Variants in DCC observed in about 807,000 individuals in gnomAD.
DCC encodes netrin receptor DCC.
A neutral mutation model predicts 172.5 loss-of-function variants in DCC; 58 were observed. The observed-to-expected ratio is 0.34, with a 90% CI of 0.27 to 0.42. The LOEUF is 0.42. Among genes scored for constraint, DCC ranks in the 10% least tolerant of loss-of-function variants. The pLI is 1.00. For synonymous variants in DCC, 709 were observed against 644.5 expected, an observed-to-expected ratio of 1.10 and a Z score of -1.52; for missense variants, 1,740 against 1,791.0, an observed-to-expected ratio of 0.97 and a Z score of 0.51.
intron 21 of DCC, 127 bp downstream of exon 21, chr18:53,416,283 C>A: frequency 1.3e-6 from 1 of 750,888 alleles, no homozygotes; most frequent in Non-Finnish European, 2.4e-6. Flanking sequence ...ACTGGCGTGA[C>A]GATTAATCTT....
intron 2 of DCC, among the ~76,000 whole-genome samples, chr18:52,845,748 A>C (rs1461806996): frequency 6.6e-6 from 1 of 152,348 alleles, no homozygotes; most frequent in South Asian, 2.1e-4. Context: ...TATTTGAGTA[A>C]AGATCAAGTC....
intron 1 of DCC, among the ~76,000 whole-genome samples, chr18:52,648,627 C>A (rs981419507): frequency 6.6e-6 from 1 of 152,180 alleles, no homozygotes; most frequent in African/African-American, 2.4e-5. Flanking sequence ...TCATCACAAG[C>A]GTCTTTTCAC....
intron 1 of DCC, among the ~76,000 whole-genome samples, chr18:52,605,021 G>A (rs1447976926): frequency 2.0e-5 from 1 of 49,450 alleles, no homozygotes; most frequent in African/African-American, 5.6e-5. Flanking sequence ...TGAAGTTCTG[G>A]AATCTAAAAA....
At chr18:52,749,301 A>G (rs1264051370) in intron 1 of DCC, among the ~76,000 whole-genome samples, 1 of 152,230 alleles carries the variant, frequency 6.6e-6, no homozygotes, top group Admixed American at 6.5e-5. Flanking sequence ...CAGAACCAGC[A>G]GCCCAGTTTT....
chr18:52,968,240 G>T (rs1193519458), intron 5 of DCC, among the ~76,000 whole-genome samples: 1 of 152,180 alleles, frequency 6.6e-6, no homozygotes, highest in Non-Finnish European at 1.5e-5. Flanking sequence ...GGGTAACAGA[G>T]GGAAAGAGTT....
At chr18:52,459,080 G>T (rs1450152155) in intron 1 of DCC, among the ~76,000 whole-genome samples, 1 of 151,824 alleles carries the variant, frequency 6.6e-6, no homozygotes, top group Admixed American at 6.6e-5. Flanking sequence ...GGGTACAAAA[G>T]GTTCATAACA....
chr18:52,363,939 G>T (rs1984731786), intron 1 of DCC, among the ~76,000 whole-genome samples: 1 of 151,958 alleles, frequency 6.6e-6, no homozygotes, highest in Non-Finnish European at 1.5e-5. Context: ...TTGCCCTTTA[G>T]CCCTTCAGTC....
intron 5 of DCC, among the ~76,000 whole-genome samples, chr18:53,058,407 A>T (rs938541594): frequency 6.6e-6 from 1 of 152,188 alleles, no homozygotes; most frequent in Non-Finnish European, 1.5e-5. Flanking sequence ...CAGAAGTGGT[A>T]TAATGAAAGT....
intron 27 of DCC, among the ~76,000 whole-genome samples, chr18:53,523,135 C>A (rs1403720765): frequency 1.3e-5 from 2 of 152,128 alleles, no homozygotes; most frequent in East Asian, 3.9e-4. Flanking sequence ...CAAGAGAAGA[C>A]ATTTATGCAG....
chr18:53,220,809 A>G (rs1450119904), intron 12 of DCC, among the ~76,000 whole-genome samples: 1 of 151,818 alleles, frequency 6.6e-6, no homozygotes, highest in Non-Finnish European at 1.5e-5. Flanking sequence ...TATTCATTAC[A>G]TGGTGATTTT....
chr18:53,211,654 G>A (rs1234192713), intron 11 of DCC, among the ~76,000 whole-genome samples: 6 of 152,146 alleles, frequency 3.9e-5, no homozygotes, highest in African/African-American at 1.4e-4. Flanking sequence ...AACCCAGGAG[G>A]TGGAGCTTGC....
chr18:52,946,981 T>G (rs1402871426), intron 5 of DCC, among the ~76,000 whole-genome samples: 2 of 147,354 alleles, frequency 1.4e-5, no homozygotes, highest in Non-Finnish European at 3.0e-5. Context: ...TGACCACCCA[T>G]CTGCATGGCT....
At chr18:52,457,101 C>T (rs1212354965) in intron 1 of DCC, among the ~76,000 whole-genome samples, 2 of 152,036 alleles carry the variant, frequency 1.3e-5, no homozygotes, top group Non-Finnish European at 2.9e-5. Context: ...AGGCTCTTCA[C>T]TTTTGTAGTT....
chr18:53,313,397 C>G (rs1351225704), intron 13 of DCC, among the ~76,000 whole-genome samples: 1 of 152,066 alleles, frequency 6.6e-6, no homozygotes, highest in Non-Finnish European at 1.5e-5. Flanking sequence ...AGACGTGCGT[C>G]ACCACGTCAG....
At chr18:53,148,955 C>T (rs554862695) in intron 7 of DCC, among the ~76,000 whole-genome samples, 11 of 150,928 alleles carry the variant, frequency 7.3e-5, no homozygotes, top group African/African-American at 2.2e-4. Context: ...CCTCCACCTC[C>T]TGGGTTCAAG....
At chr18:52,420,825 G>C (rs1216292412) in intron 1 of DCC, among the ~76,000 whole-genome samples, 2 of 152,120 alleles carry the variant, frequency 1.3e-5, no homozygotes, top group Admixed American at 6.5e-5. Context: ...AAAAGGCCTT[G>C]AGCTAAAATT....
intron 5 of DCC, among the ~76,000 whole-genome samples, chr18:53,053,773 T>C (rs141149245): frequency 9.9e-5 from 15 of 152,254 alleles, no homozygotes; most frequent in African/African-American, 3.6e-4. Context: ...ATTTTGGATA[T>C]TTATTATTTG....
rs1416079242 is a variant in DCC at position 52,418,838 on chromosome 18, T to TTTTCTTTCTTTCTTTCTTTC, written c.91+77964_91+77983dup. Among the ~76,000 whole-genome samples the TTTTCTTTCTTTCTTTCTTTC allele has an allele frequency of 2.1e-5, 3 of 142,764 alleles. No homozygotes were observed. In the East Asian group the frequency reaches 6.4e-4, roughly 30 times the overall value. 93.7% of individuals were successfully genotyped at this position (142,764 alleles called of 152,430 possible). Reference sequence around the variant, plus strand: ...AAACAGTATCCGAGATCCTTTTTCTTTTTCTTTCTTTCTTTCTTTCTTTTT... The same window carrying TTTTCTTTCTTTCTTTCTTTC: ...AAACAGTATCCGAGATCCTTTTTCTTTTTCTTTCTTTCTTTCTTTCTTTCTTTCTTTCTTTCTTTCTTTTT... On this transcript the variant is annotated intron_variant, in intron 1 of 28. Transcript: ENST00000442544.
chr18:53,435,322 G>A, intron 22 of DCC, 113 bp downstream of exon 22: 2 of 717,062 alleles, frequency 2.8e-6, no homozygotes, highest in South Asian at 3.1e-5. Flanking sequence ...CTTGGATTTA[G>A]TGTCTTAGTG....
Sources: allele counts gnomAD v4.1 joint callset (sites outside exome capture counted in the v4.1 genomes callset), GRCh38; gene constraint gnomAD v4.1.1; transcripts MANE v1.5; gene names NCBI Gene and HGNC (gene_info 2026-07-23, HGNC 2026-07-21).